The following DIDO1 variants were observed in gnomAD, a reference collection of about 807,000 sequenced individuals.
The protein encoded by DIDO1 is death-inducer obliterator 1.
DIDO1 carries 16 observed loss-of-function variants against 99.4 expected under a neutral mutation model. The observed-to-expected ratio is 0.16, with a 90% CI of 0.11 to 0.24. The LOEUF is 0.24. DIDO1 is among the 10% of genes least tolerant of loss of function. DIDO1 has a pLI of 1.00. For missense variants in DIDO1, 2,996 were observed against 3,014.0 expected (o/e 0.99, Z 0.14); for synonymous variants, 1,366 against 1,239.1 (o/e 1.10, Z -2.15).
At chr20:62,885,421 G>C (rs6090152) in intron 15 of DIDO1, among the ~76,000 whole-genome samples, 28,265 of 152,174 alleles carry the variant, frequency 0.19, 2,907 homozygotes, top group East Asian at 0.27. Context: ...GTCCCGTCTC[G>C]TGGTGTGTCA....
At chr20:62,929,692 A>AAAAAAAAAAATATATATATATATAT, upstream of DIDO1, among the ~76,000 whole-genome samples, 4 of 63,710 alleles carry the variant, frequency 6.3e-5, no homozygotes, top group African/African-American at 3.0e-4. Flanking sequence ...AAAAAGAAAA[A>AAAAAAAAAAATATATATATATATAT]GTGTATATAT....
intron 6 of DIDO1, among the ~76,000 whole-genome samples, chr20:62,904,626 C>T (rs1424134248): frequency 6.6e-6 from 1 of 151,596 alleles, no homozygotes; most frequent in Non-Finnish European, 1.5e-5. Flanking sequence ...ACTAAAAATA[C>T]AAAAATTAGC....
intron 4 of DIDO1, 97 bp from the exon 5 acceptor site, chr20:62,907,456 A>G (rs1258067176): frequency 8.6e-7 from 1 of 1,168,882 alleles, no homozygotes; most frequent in African/African-American, 1.5e-5. Context: ...TACCAAGGCC[A>G]CAGTTTCAAA....
chr20:62,929,692 A>AAAAAAAAAAATATATATATATATATAT, upstream of DIDO1, among the ~76,000 whole-genome samples: 2 of 63,736 alleles, frequency 3.1e-5, no homozygotes, highest in African/African-American at 1.5e-4. Context: ...AAAAAGAAAA[A>AAAAAAAAAAATATATATATATATATAT]GTGTATATAT....
Position 62,907,146 on chromosome 20 carries a change from C to T in DIDO1, c.1374+1G>A. On this transcript the variant is annotated splice_donor_variant, in intron 5 of 15. Transcript: ENST00000395343. LOFTEE classifies it high-confidence loss of function. ...TGGGCGGCTGGTCCTGGTCCACTCA[C>T]CTGAGCACCGCATTTCGGAAGACTG... 6.2e-7 allele frequency: 1 copy of T among 1,614,234 alleles called. No individual in the cohort carries two copies. Among genetic ancestry groups the T allele is most frequent in the Non-Finnish European group, 8.5e-7 (1 of 1,180,036 alleles).
Position 62,891,969 on chromosome 20 carries a change from T to C in DIDO1, c.3345+18A>G. 1.9e-6 allele frequency: 3 copies of C among 1,592,308 alleles called. No individual in the cohort carries two copies. Among genetic ancestry groups the C allele is most frequent in the Non-Finnish European group, 2.6e-6 (3 of 1,172,396 alleles). On this transcript the variant is annotated intron_variant, in intron 14 of 15. Transcript: ENST00000395343. ...CACAATTTTCCATGGTTGCAGAATT[T>C]ATACTATAAGCAGGTACCTTAGACA...
intron 1 of DIDO1, among the ~76,000 whole-genome samples, chr20:62,932,649 T>C (rs2065342908): frequency 1.3e-5 from 2 of 152,192 alleles, no homozygotes; most frequent in Admixed American, 1.3e-4. Flanking sequence ...ACCACATTTG[T>C]TTCAGGTAAC....
At position 62,894,650 on chromosome 20, in the gene DIDO1, G is replaced by A. The variant is rs949196879; in HGVS notation, c.2437-102C>T. ...GCAGTCTCATGGGATTGAGACCCACGGGGGAGAAAAAAGGACCATCTAATA... is the reference window on the plus strand; with the variant it reads ...GCAGTCTCATGGGATTGAGACCCACAGGGGAGAAAAAAGGACCATCTAATA... On this transcript the variant is annotated intron_variant, in intron 10 of 15. Coordinates refer to ENST00000395343, the MANE Select transcript of DIDO1 (RefSeq NM_001193369.2). The surrounding 1 kb of genome is among the most constrained non-coding windows in gnomAD (Gnocchi z 4.4). 6.2e-5 allele frequency: 91 copies of A among 1,477,682 alleles called. No homozygotes were observed. Among genetic ancestry groups the A allele is most frequent in the Non-Finnish European group, 8.0e-5 (88 of 1,106,414 alleles). 91.5% of individuals were successfully genotyped at this position (1,477,682 alleles called of 1,614,324 possible). A position where few individuals can be genotyped will look rare whatever the true frequency, so the allele number is the denominator to read the frequency against.
At position 62,910,778 on chromosome 20, in the gene DIDO1, T is replaced by G. The variant is rs2064915138; in HGVS notation, c.835A>C (p.Asn279His). ...LYCICRQPHN[N>H]RFMICCDRCE... ...GGGTGCCCACACATGACCCACCTGT[T>G]GTTGTGAGGCTGGCGGCAAATGCAA... is the stretch of plus-strand genomic sequence containing the variant. The change falls in exon 3 of 16, where the codon AAC becomes CAC. Residue 279 changes from asparagine (N) to histidine (H), a missense_variant. By Grantham distance (68) the Asn-to-His change is moderately conservative. Around this residue, in one of 5 missense-constraint regions of DIDO1, gnomAD observed 13 missense variants for 49.9 expected, o/e 0.26. Coordinates refer to ENST00000395343, the MANE Select transcript of DIDO1 (RefSeq NM_001193369.2). The G allele has an allele frequency of 6.2e-7, 1 of 1,610,398 alleles. No individual in the cohort carries two copies. The highest frequency in any genetic ancestry group is 1.3e-5 in the African/African-American group (1 of 74,850).
At chr20:62,887,416 C>G in intron 15 of DIDO1, 1 of 985,462 alleles carries the variant, frequency 1.0e-6, no homozygotes, top group Non-Finnish European at 1.2e-6. Context: ...CAGAAAGACA[C>G]TATGGATTCA....
chr20:62,881,810 G>C lies in DIDO1; in HGVS notation c.4146C>G (p.Asp1382Glu). The C allele has an allele frequency of 1.2e-6, 2 of 1,613,514 alleles. No individual in the cohort carries two copies. The highest frequency in any genetic ancestry group is 8.5e-7 in the Non-Finnish European group (1 of 1,180,016). Residue 1382 changes from aspartate to glutamate, a missense_variant, in exon 16 of 16, where the codon GAC becomes GAG. By Grantham distance (45) the Asp-to-Glu change is conservative (BLOSUM62 2). Transcript: ENST00000395343. This position sits in a 1 kb window ranked among gnomAD's most constrained non-coding sequence, Gnocchi z 8.3. ...ACTCCTCCTCAGGGTCGTATGGCCTGTCGTCCTCCTCTTCCTCTAGAGCCT... is the reference window on the plus strand; with the variant it reads ...ACTCCTCCTCAGGGTCGTATGGCCTCTCGTCCTCCTCTTCCTCTAGAGCCT... ...KDKALEEEED[D>E]RPYDPEEEYD...
chr20:62,885,136 T>G (rs1197852505), intron 15 of DIDO1, among the ~76,000 whole-genome samples: 2 of 152,044 alleles, frequency 1.3e-5, no homozygotes, highest in African/African-American at 4.8e-5. Flanking sequence ...CGCCCTGGGG[T>G]GAAGGGCACT....
At position 62,879,734 on chromosome 20, in the gene DIDO1, T is replaced by C; in HGVS notation, c.6222A>G (p.Lys2074=). The C allele has an allele frequency of 6.2e-7, 1 of 1,611,684 alleles. No homozygotes were observed. Among genetic ancestry groups the C allele is most frequent in the East Asian group, 2.2e-5 (1 of 44,842 alleles). ...QWASADFREG[K]GHEYRNQTFE... ...AAGTCTGGTTTCTGTATTCGTGGCC[T>C]TTCCCCTCTCGGAAGTCGGCCGATG... The change falls in exon 16 of 16, where the codon AAA becomes AAG. Residue 2074 remains lysine (K), a synonymous_variant. Transcript: ENST00000395343. This position sits in a 1 kb window ranked among gnomAD's most constrained non-coding sequence, Gnocchi z 6.3.
At chr20:62,936,218 G>C (rs1304618209) in intron 1 of DIDO1, among the ~76,000 whole-genome samples, 1 of 152,040 alleles carries the variant, frequency 6.6e-6, no homozygotes. Context: ...ATCGAGACCA[G>C]CCTGGGCAAG....
At chr20:62,886,823 C>T (rs1273326941) in intron 15 of DIDO1, among the ~76,000 whole-genome samples, 1 of 152,102 alleles carries the variant, frequency 6.6e-6, no homozygotes, top group Non-Finnish European at 1.5e-5. Context: ...GGAAGTTAAT[C>T]AACAAGGGGT....
rs1192483713 is a variant in DIDO1, at chr20:62,922,196, GTA to G, written c.-200+4241_-200+4242del. Among the ~76,000 whole-genome samples, 229 of 87,000 alleles carry G rather than the reference GTA, an allele frequency of 2.6e-3. No individual in the cohort carries two copies. In the Middle Eastern group the frequency reaches 0.035, roughly 13 times the overall value. 57.1% of individuals were successfully genotyped at this position (87,000 alleles called of 152,430 possible). On this transcript the variant is annotated intron_variant, in intron 1 of 15. Coordinates refer to ENST00000395343, the MANE Select transcript of DIDO1 (RefSeq NM_001193369.2). ...CTTTTATATGTATGTGTGTGTGTGT[GTA>G]TATATATATGTACATATATATACAC...
At chr20:62,937,255 C>G (rs1424216080) in intron 1 of DIDO1, among the ~76,000 whole-genome samples, 1 of 152,270 alleles carries the variant, frequency 6.6e-6, no homozygotes, top group African/African-American at 2.4e-5. Flanking sequence ...TACTTCCCAG[C>G]AACGGAAACA....
chr20:62,921,863 A>G (rs1440633589), intron 1 of DIDO1, among the ~76,000 whole-genome samples: 1 of 150,634 alleles, frequency 6.6e-6, no homozygotes, highest in African/African-American at 2.4e-5. Context: ...TATACCCGCT[A>G]TATATATATC....
intron 1 of DIDO1, among the ~76,000 whole-genome samples, chr20:62,935,724 C>T (rs998086): frequency 0.23 from 34,937 of 152,182 alleles, 4,285 homozygotes; most frequent in East Asian, 0.34. Flanking sequence ...ACACAGGCAA[C>T]TGGGGAGTCC....
Sources: gnomAD v4.1 joint callset for allele counts (sites outside exome capture counted in the v4.1 genomes callset) on GRCh38, gnomAD v4.1.1 for gene constraint, gnomAD v4.1.1 regional missense constraint, Gnocchi (gnomAD v3.1) non-coding constraint, MANE v1.5 for transcripts, NCBI Gene and HGNC (gene_info 2026-07-23, HGNC 2026-07-21) for gene names.